UBE2E1: variants seen among roughly 807,000 people sequenced by gnomAD.
UBE2E1 encodes the protein ubiquitin-conjugating enzyme E2 E1.
A neutral mutation model predicts 21.4 loss-of-function variants in UBE2E1; 6 were observed. That is an observed-to-expected ratio of 0.28 (90% CI 0.15 to 0.55). The LOEUF (loss-of-function observed/expected upper bound fraction) is 0.55. Among genes scored for constraint, UBE2E1 ranks in the 20% least tolerant of loss-of-function variants. The pLI, the probability that UBE2E1 is intolerant of heterozygous loss-of-function variation, is 0.93. For missense variants in UBE2E1, 142 were observed against 236.5 expected (o/e 0.60, Z 2.62); for synonymous variants, 87 against 82.7 (o/e 1.05, Z -0.28).
At chr3:23,877,773 G>T (rs116765467) in intron 3 of UBE2E1, among the ~76,000 whole-genome samples, 3,300 of 152,228 alleles carry the variant, frequency 0.022, 141 homozygotes, top group African/African-American at 0.076. Context: ...TAAGCAGTCC[G>T]TGCCACATCT....
At chr3:23,813,713 T>C (rs764033858) in intron 3 of UBE2E1, among the ~76,000 whole-genome samples, 5 of 152,064 alleles carry the variant, frequency 3.3e-5, no homozygotes, top group Non-Finnish European at 7.4e-5. Flanking sequence ...CAGCTAATTT[T>C]TGTATTTTGG....
chr3:23,841,886 G>A (rs925506715), intron 3 of UBE2E1, among the ~76,000 whole-genome samples: 4 of 152,142 alleles, frequency 2.6e-5, no homozygotes, highest in African/African-American at 9.7e-5. Flanking sequence ...ATGTTTGGGG[G>A]TAGATGGTTT....
chr3:23,806,517 T>G lies in UBE2E1; in HGVS notation c.-34+429T>G. On this transcript the variant is annotated intron_variant, in intron 1 of 5. Coordinates refer to ENST00000306627, the MANE Select transcript of UBE2E1 (RefSeq NM_003341.5). This position sits in a 1 kb window ranked among gnomAD's most constrained non-coding sequence, Gnocchi z 6.5. The stretch of plus-strand genomic sequence containing the variant: ...TTCGCTGCGGAGGCCGACCCCCCCA[T>G]TCCCCGCCGCAGCCCCTATCCCCCT... 3.4e-5 allele frequency among the ~76,000 whole-genome samples: 5 copies of G among 144,942 alleles called. No homozygotes were observed. The highest frequency in any genetic ancestry group is 1.4e-4 in the Admixed American group (2 of 14,708).
At chr3:23,868,389 A>G (rs1352549489) in intron 3 of UBE2E1, among the ~76,000 whole-genome samples, 1 of 151,802 alleles carries the variant, frequency 6.6e-6, no homozygotes, top group Non-Finnish European at 1.5e-5. Context: ...ACTCACTGCA[A>G]CCCCCACCTC....
chr3:23,845,589 C>CTCTGTGTG (rs1553637998), intron 3 of UBE2E1, among the ~76,000 whole-genome samples: 6 of 121,358 alleles, frequency 4.9e-5, no homozygotes, highest in African/African-American at 1.9e-4. Context: ...CTCTCTCTCT[C>CTCTGTGTG]TGTGTGTGTG....
chr3:23,881,114 C>A (rs1319709112), intron 3 of UBE2E1, among the ~76,000 whole-genome samples: 3 of 152,120 alleles, frequency 2.0e-5, no homozygotes. Context: ...GGAGAGTTTC[C>A]TATCAGTTAA....
chr3:23,831,685 A>C (rs569406462), intron 3 of UBE2E1, among the ~76,000 whole-genome samples: 3 of 106,156 alleles, frequency 2.8e-5, no homozygotes, highest in South Asian at 6.5e-4. Context: ...CACCCAGCTA[A>C]GTTTTGTATT....
chr3:23,884,394 ATTG>A (rs906185451), intron 3 of UBE2E1, among the ~76,000 whole-genome samples: 1 of 152,148 alleles, frequency 6.6e-6, no homozygotes, highest in Non-Finnish European at 1.5e-5. Flanking sequence ...CTTAAAGGTC[ATTG>A]TTGTGGGTGG....
At chr3:23,888,852 A>C (rs1223974679) in intron 4 of UBE2E1, among the ~76,000 whole-genome samples, 1 of 152,244 alleles carries the variant, frequency 6.6e-6, no homozygotes, top group Non-Finnish European at 1.5e-5. Flanking sequence ...TGGAAATGTT[A>C]ATATTTAAAA....
intron 3 of UBE2E1, among the ~76,000 whole-genome samples, chr3:23,880,461 G>A (rs1701012646): frequency 6.6e-6 from 1 of 152,146 alleles, no homozygotes; most frequent in Admixed American, 6.5e-5. Flanking sequence ...CAGCTACTAG[G>A]GAGGCTGAGG....
rs1428140042 is a variant in UBE2E1 at position 23,810,500 on chromosome 3, G to A, written c.153-960G>A. Reference sequence around the variant, plus strand: ...CATGAAGGAAGTGGGCAGACCCCGGGAAGTTAGAGGACGCCCGGGGAAAAG... The same window carrying A: ...CATGAAGGAAGTGGGCAGACCCCGGAAAGTTAGAGGACGCCCGGGGAAAAG... On this transcript the variant is annotated intron_variant, in intron 2 of 5. Coordinates refer to ENST00000306627, the MANE Select transcript of UBE2E1 (RefSeq NM_003341.5). The surrounding 1 kb of genome is among the most constrained non-coding windows in gnomAD (Gnocchi z 5.8). 3.9e-6 allele frequency: 6 copies of A among 1,535,716 alleles called. No homozygotes were observed. The highest frequency in any genetic ancestry group is 5.2e-6 in the Non-Finnish European group (6 of 1,146,666).
chr3:23,871,559 G>A (rs62255315), intron 3 of UBE2E1, among the ~76,000 whole-genome samples: 23,099 of 149,474 alleles, frequency 0.15, 2,326 homozygotes, highest in Middle Eastern at 0.27. Context: ...GGGCGGAGAC[G>A]CTCCTCACTT....
At chr3:23,868,300 T>C (rs1700699616) in intron 3 of UBE2E1, among the ~76,000 whole-genome samples, 1 of 152,082 alleles carries the variant, frequency 6.6e-6, no homozygotes, top group Non-Finnish European at 1.5e-5. Flanking sequence ...TTACTTTTAT[T>C]TTTTATTTTT....
At chr3:23,825,997 G>A (rs1388309071) in intron 3 of UBE2E1, among the ~76,000 whole-genome samples, 2 of 152,128 alleles carry the variant, frequency 1.3e-5, no homozygotes, top group African/African-American at 2.4e-5. Flanking sequence ...TACTATGATT[G>A]CACCTGTGAG....
At chr3:23,888,327 A>C (rs1424702114) in intron 4 of UBE2E1, 1 of 452,562 alleles carries the variant, frequency 2.2e-6, no homozygotes, top group Non-Finnish European at 4.4e-6. Flanking sequence ...TCAGAAAGAA[A>C]ACCCCGTCTT....
At chr3:23,819,021 A>G (rs1699587985) in intron 3 of UBE2E1, among the ~76,000 whole-genome samples, 3 of 152,206 alleles carry the variant, frequency 2.0e-5, no homozygotes, top group Non-Finnish European at 2.9e-5. Context: ...ACGGTGGCTT[A>G]CGCCTGTAGT....
At chr3:23,840,207 T>C (rs2125299675) in intron 3 of UBE2E1, among the ~76,000 whole-genome samples, 2 of 152,356 alleles carry the variant, frequency 1.3e-5, no homozygotes, top group Middle Eastern at 6.8e-3. Context: ...TTTAAATTTA[T>C]GATTACAGTT....
Position 23,808,516 on chromosome 3 carries a change from G to T in UBE2E1, c.152+1095G>T, listed in dbSNP as rs1167845480. 1.3e-5 allele frequency among the ~76,000 whole-genome samples: 2 copies of T among 152,180 alleles called. No homozygotes were observed. Among genetic ancestry groups the T allele is most frequent in the African/African-American group, 4.8e-5 (2 of 41,434 alleles). On this transcript the variant is annotated intron_variant, in intron 2 of 5. Transcript: ENST00000306627. The surrounding 1 kb of genome is among the most constrained non-coding windows in gnomAD (Gnocchi z 4.9). Reference sequence around the variant, plus strand: ...AGACTTTAGATCTCTCCACTGAGTAGTGAGCCTGGAAGTCAGGGTTTGAGA... The same window carrying T: ...AGACTTTAGATCTCTCCACTGAGTATTGAGCCTGGAAGTCAGGGTTTGAGA...
chr3:23,845,987 C>G (rs1258803143), intron 3 of UBE2E1, among the ~76,000 whole-genome samples: 2 of 152,114 alleles, frequency 1.3e-5, no homozygotes, highest in Non-Finnish European at 2.9e-5. Context: ...AGGTTGAGGG[C>G]CTGATTTGGC....
Sources: gnomAD v4.1 joint callset for allele counts (sites outside exome capture counted in the v4.1 genomes callset) on GRCh38, gnomAD v4.1.1 for gene constraint, Gnocchi (gnomAD v3.1) non-coding constraint, MANE v1.5 for transcripts, NCBI Gene and HGNC (gene_info 2026-07-23, HGNC 2026-07-21) for gene names.